Variants in NLRP12 observed in about 807,000 individuals in gnomAD.
NLRP12 encodes NLR family pyrin domain containing 12.
Under a neutral mutation model 91.2 loss-of-function variants are expected in NLRP12, and 108 were observed. That is an observed-to-expected ratio of 1.18 (90% CI 1.01 to 1.39). The LOEUF is 1.39. NLRP12 is among the 40% of genes most tolerant of loss of function. The pLI is 0.00. For missense variants in NLRP12, 1,530 were observed against 1,352.7 expected, an observed-to-expected ratio of 1.13 and a Z score of -2.06; for synonymous variants, 613 against 566.7, an observed-to-expected ratio of 1.08 and a Z score of -1.16.
At position 53,804,058 on chromosome 19, in the gene NLRP12, G is replaced by C. The variant is rs926941594; in HGVS notation, c.2479C>G (p.Pro827Ala). ...QEMASVLGTN[P>A]HLVELDLTGN... Reference sequence around the variant, plus strand: ...GTCAGGTCCAACTCAACCAGATGTGGGTTGGTGCCGAGCACAGAAGCCATC... The same window carrying C: ...GTCAGGTCCAACTCAACCAGATGTGCGTTGGTGCCGAGCACAGAAGCCATC... Residue 827 changes from proline (P) to alanine (A), a missense_variant, in exon 6 of 10, where the codon CCA (proline) becomes GCA (alanine). By Grantham distance (27) the Pro-to-Ala change is conservative. Coordinates refer to ENST00000324134, the MANE Select transcript of NLRP12 (RefSeq NM_144687.4). 1.7e-5 allele frequency: 28 copies of C among 1,613,832 alleles called. No homozygotes were observed. Among genetic ancestry groups the C allele is most frequent in the Non-Finnish European group, 2.2e-5 (26 of 1,179,900 alleles).
chr19:53,824,084 A>G lies in NLRP12; in HGVS notation c.91T>C (p.Tyr31His), dbSNP rs764783771. 2 of 1,614,120 alleles carry G rather than the reference A, an allele frequency of 1.2e-6. No individual in the cohort carries two copies. Among genetic ancestry groups the G allele is most frequent in the South Asian group, 1.1e-5 (1 of 91,084 alleles). ...CCCAGCTCTGTCGCGGTCCCCAGGT[A>G]TAACTTGAACTTCTTCAGTTCCACA... Reference protein sequence around the residue: ...EAVELKKFKLYLGTATELGEG... With the variant: ...EAVELKKFKLHLGTATELGEG... Residue 31 changes from tyrosine to histidine, a missense_variant, in exon 1 of 10, where the codon TAC (tyrosine) becomes CAC (histidine). Physicochemically the swap from Tyr to His is moderately conservative, Grantham distance 83. Coordinates refer to ENST00000324134, the MANE Select transcript of NLRP12 (RefSeq NM_144687.4).
At chr19:53,815,359 GC>G (rs199706583) in intron 1 of NLRP12, among the ~76,000 whole-genome samples, 1,667 of 151,062 alleles carry the variant, frequency 0.011, 30 homozygotes, top group African/African-American at 0.038. Flanking sequence ...CTCACGAGTA[GC>G]TGGCATTACA....
chr19:53,820,854 A>AT (rs1299350028), intron 1 of NLRP12, among the ~76,000 whole-genome samples: 2 of 151,250 alleles, frequency 1.3e-5, no homozygotes, highest in East Asian at 3.9e-4. Context: ...CGCCCAGCTA[A>AT]TTTTTTGTAA....
rs752992130 is a variant in NLRP12 at position 53,810,800 on chromosome 19, C to T, written c.859G>A (p.Glu287Lys). ...CCGTCGATGATGAAAAGGAGGCGCT[C>T]GGGAACTCGGATGAGCTCCTGGAGA... ...APLQELIRVP[E>K]RLLFIIDGFD... Residue 287 changes from glutamate (E) to lysine (K), a missense_variant, in exon 3 of 10, where the codon GAG becomes AAG. By Grantham distance (56) the Glu-to-Lys change is moderately conservative (BLOSUM62 1). Coordinates refer to ENST00000324134, the MANE Select transcript of NLRP12 (RefSeq NM_144687.4). 2.2e-5 allele frequency: 35 copies of T among 1,614,058 alleles called. No individual in the cohort carries two copies. The highest frequency in any genetic ancestry group is 3.3e-4 in the Middle Eastern group (2 of 6,062).
rs377595027 is a variant in NLRP12, at chr19:53,810,774, G to T, written c.885C>A (p.Gly295=). The change falls in exon 3 of 10, where the codon GGC becomes GGA. Residue 295 remains glycine, a synonymous_variant. Coordinates refer to ENST00000324134, the MANE Select transcript of NLRP12 (RefSeq NM_144687.4). ...GGAAAGAAGGCTTGAGCTCATCGAA[G>T]CCGTCGATGATGAAAAGGAGGCGCT... The part of the protein sequence containing the change: ...VPERLLFIID[G]FDELKPSFHD... 16 of 1,613,974 alleles carry T rather than the reference G, an allele frequency of 9.9e-6. No homozygotes were observed. The highest frequency in any genetic ancestry group is 1.3e-5 in the Non-Finnish European group (15 of 1,180,042).
rs2092047430 is a variant in NLRP12 at position 53,810,395 on chromosome 19, C to T, written c.1264G>A (p.Gly422Arg). 6.2e-7 allele frequency: 1 copy of T among 1,613,722 alleles called. No individual in the cohort carries two copies. Among genetic ancestry groups the T allele is most frequent in the Non-Finnish European group, 8.5e-7 (1 of 1,180,002 alleles). ...TCLQQQLEGGGLLRQTSRTTT... is the reference protein window; with the variant it reads ...TCLQQQLEGGRLLRQTSRTTT... Reference sequence around the variant, plus strand: ...GTCCTGGACGTCTGTCTCAACAGCCCCCCACCCTCCAGCTGCTGCTGGAGG... The same window carrying T: ...GTCCTGGACGTCTGTCTCAACAGCCTCCCACCCTCCAGCTGCTGCTGGAGG... The change falls in exon 3 of 10, where the codon GGG (glycine) becomes AGG (arginine). Residue 422 changes from glycine to arginine, a missense_variant. Transcript: ENST00000324134.
chr19:53,824,141 GA>G lies in NLRP12; in HGVS notation c.33del (p.Arg12AlafsTer14), dbSNP rs1197871854. The G allele has an allele frequency of 6.2e-7, 1 of 1,613,964 alleles. No individual in the cohort carries two copies. The highest frequency in any genetic ancestry group is 1.3e-5 in the African/African-American group (1 of 74,900). On this transcript the variant is annotated frameshift_variant, in exon 1 of 10. Transcript: ENST00000324134. LOFTEE classifies it high-confidence loss of function. ...AGTTCTTCCAAGTAGGTGGACAGGC[GA>G]CAGAGGCCGTCCCTGCCTGCGGTTC... Reference protein sequence around the residue: MLRTAGRDGLCRLSTYLEELE... With the variant: MLRTAGRDGLXRLSTYLEELE...
In NLRP12 at chr19:53,805,368, C is replaced by G; in HGVS notation, c.2326G>C (p.Asp776His). Residue 776 changes from aspartate to histidine, a missense_variant, in exon 5 of 10, where the codon GAT (aspartate) becomes CAT (histidine). Transcript: ENST00000324134. ...LIANKNLTRM[D>H]LSGNGVGFPG... ...AATCCAACGCCGTTGCCACTGAGAT[C>G]CATCCTTGTCAAATTCTTATTGGCT... 6.2e-7 allele frequency: 1 copy of G among 1,614,062 alleles called. No individual in the cohort carries two copies. Among genetic ancestry groups the G allele is most frequent in the Non-Finnish European group, 8.5e-7 (1 of 1,180,004 alleles).
At chr19:53,804,337 G>T (rs1600691242) in intron 5 of NLRP12, among the ~76,000 whole-genome samples, 1 of 150,596 alleles carries the variant, frequency 6.6e-6, no homozygotes, top group East Asian at 1.9e-4. Flanking sequence ...GAATACATGT[G>T]TGCACCACCA....
At chr19:53,816,587 T>C (rs2092163259) in intron 1 of NLRP12, among the ~76,000 whole-genome samples, 1 of 152,148 alleles carries the variant, frequency 6.6e-6, no homozygotes, top group Admixed American at 6.6e-5. Context: ...AGTGGCGCGA[T>C]CTCGGCTCAC....
At position 53,810,324 on chromosome 19, in the gene NLRP12, G is replaced by T; in HGVS notation, c.1335C>A (p.Pro445=). Residue 445 remains proline, a synonymous_variant, in exon 3 of 10, where the codon CCC becomes CCA. Coordinates refer to ENST00000324134, the MANE Select transcript of NLRP12 (RefSeq NM_144687.4). Reference sequence around the variant, plus strand: ...GCTGGAGGCGCGGGGCCCCCGGCTTGGGTTGCATCAGACTCAGCAGGTAGA... The same window carrying T: ...GCTGGAGGCGCGGGGCCCCCGGCTTTGGTTGCATCAGACTCAGCAGGTAGA... ...YMLYLLSLMQ[P]KPGAPRLQPP... 6.2e-7 allele frequency: 1 copy of T among 1,613,644 alleles called. No homozygotes were observed.
intron 9 of NLRP12, among the ~76,000 whole-genome samples, chr19:53,795,096 C>A (rs1221263552): frequency 1.7e-5 from 2 of 116,566 alleles, no homozygotes; most frequent in South Asian, 3.2e-4. Flanking sequence ...TGCCACCATA[C>A]CTGGTGTGTG....
chr19:53,804,399 T>G (rs1386682639), intron 5 of NLRP12, among the ~76,000 whole-genome samples: 3 of 72,320 alleles, frequency 4.1e-5, no homozygotes, highest in Non-Finnish European at 1.2e-4. Flanking sequence ...TTGGGTTTTT[T>G]TGTTTTTTTT....
chr19:53,821,031 C>CTT (rs1158419664), intron 1 of NLRP12, among the ~76,000 whole-genome samples: 2,704 of 81,238 alleles, frequency 0.033, 221 homozygotes, highest in African/African-American at 0.11. Flanking sequence ...CATATTTTTT[C>CTT]TTTTTTTTTT....
chr19:53,810,335 G>T lies in NLRP12; in HGVS notation c.1324C>A (p.Leu442Met). 6.2e-7 allele frequency: 1 copy of T among 1,613,626 alleles called. No homozygotes were observed. Reference protein sequence around the residue: ...TAVYMLYLLSLMQPKPGAPRL... With the variant: ...TAVYMLYLLSMMQPKPGAPRL... ...GGGGCCCCCGGCTTGGGTTGCATCA[G>T]ACTCAGCAGGTAGAGCATGTACACT... The change falls in exon 3 of 10, where the codon CTG (leucine) becomes ATG (methionine). Residue 442 changes from leucine (L) to methionine (M), a missense_variant. By Grantham distance (15) the Leu-to-Met change is conservative (BLOSUM62 2). Coordinates refer to ENST00000324134, the MANE Select transcript of NLRP12 (RefSeq NM_144687.4).
At chr19:53,816,794 G>A (rs1568690785) in intron 1 of NLRP12, among the ~76,000 whole-genome samples, 1 of 151,622 alleles carries the variant, frequency 6.6e-6, no homozygotes, top group Non-Finnish European at 1.5e-5. Context: ...TGCCTGCCTC[G>A]GCCTCCCAAA....
At chr19:53,795,774 G>A (rs750917073) in intron 9 of NLRP12, 85 bp downstream of exon 9, 19 of 1,213,954 alleles carry the variant, frequency 1.6e-5, no homozygotes, top group Middle Eastern at 2.3e-4. Context: ...AGTGCATAAC[G>A]TATTTGTCCA....
chr19:53,807,494 C>T lies in NLRP12; in HGVS notation c.2243+1G>A, dbSNP rs2091979240. The T allele has an allele frequency of 1.2e-6, 2 of 1,613,480 alleles. No homozygotes were observed. Among genetic ancestry groups the T allele is most frequent in the African/African-American group, 1.3e-5 (1 of 74,930 alleles). On this transcript the variant is annotated splice_donor_variant, in intron 4 of 9. Coordinates refer to ENST00000324134, the MANE Select transcript of NLRP12 (RefSeq NM_144687.4). LOFTEE classifies it high-confidence loss of function. Reference sequence around the variant, plus strand: ...AAACGCCCAGACCAGCCTGCACTCACCTCAGGTTCTGAAGTTTGCAGTTGG... The same window carrying T: ...AAACGCCCAGACCAGCCTGCACTCATCTCAGGTTCTGAAGTTTGCAGTTGG...
At chr19:53,814,746 G>C (rs7249631) in intron 2 of NLRP12, among the ~76,000 whole-genome samples, 162 bp downstream of exon 2, 3,261 of 152,306 alleles carry the variant, frequency 0.021, 46 homozygotes, top group Non-Finnish European at 0.028. Context: ...TGCTGACGTG[G>C]AAAGGTTGAT....
Sources: allele counts gnomAD v4.1 joint callset (sites outside exome capture counted in the v4.1 genomes callset), GRCh38; gene constraint gnomAD v4.1.1; transcripts MANE v1.5; gene names NCBI Gene and HGNC (gene_info 2026-07-23, HGNC 2026-07-21).